BICRAL: variants seen among roughly 807,000 people sequenced by gnomAD.
BICRAL encodes the protein BICRA like chromatin remodeling complex associated protein.
BICRAL carries 8 observed loss-of-function variants against 91.8 expected under a neutral mutation model. That is an observed-to-expected ratio of 0.09 (90% CI 0.05 to 0.16). The LOEUF (loss-of-function observed/expected upper bound fraction) is 0.16. BICRAL is among the 10% of genes least tolerant of loss of function. BICRAL has a pLI of 1.00. For missense variants in BICRAL, 1,038 were observed against 1,310.9 expected, an observed-to-expected ratio of 0.79 and a Z score of 3.21; for synonymous variants, 445 against 491.1, an observed-to-expected ratio of 0.91 and a Z score of 1.24.
intron 1 of BICRAL, among the ~76,000 whole-genome samples, chr6:42,773,012 A>G (rs1454847556): frequency 6.6e-6 from 1 of 152,160 alleles, no homozygotes; most frequent in Non-Finnish European, 1.5e-5. Flanking sequence ...TGATTACCCA[A>G]TAACCCAATG....
chr6:42,770,402 TA>T (rs1762700133), intron 1 of BICRAL, among the ~76,000 whole-genome samples: 3 of 129,432 alleles, frequency 2.3e-5, no homozygotes, highest in African/African-American at 9.8e-5. Flanking sequence ...CTAATTTTAT[TA>T]TTATTATTAT....
intron 1 of BICRAL, among the ~76,000 whole-genome samples, chr6:42,767,901 G>T (rs191151267): frequency 5.9e-5 from 9 of 152,280 alleles, no homozygotes; most frequent in African/African-American, 2.2e-4. Flanking sequence ...TGAGAAACTT[G>T]GGAATAACAC....
At chr6:42,821,350 G>C (rs767809924) in intron 2 of BICRAL, 1 of 152,454 alleles carries the variant, frequency 6.6e-6, no homozygotes, top group Non-Finnish European at 1.5e-5. Flanking sequence ...GGGGCCTGGA[G>C]CTAGGGTGAA....
At chr6:42,802,421 GTTT>G (rs370280741) in intron 1 of BICRAL, among the ~76,000 whole-genome samples, 2 of 149,682 alleles carry the variant, frequency 1.3e-5, no homozygotes, top group Admixed American at 6.7e-5. Flanking sequence ...AGCTTTTCGT[GTTT>G]TTTTTTGTTG....
intron 5 of BICRAL, among the ~76,000 whole-genome samples, chr6:42,828,214 C>T (rs1764359274): frequency 6.6e-6 from 1 of 151,344 alleles, no homozygotes; most frequent in African/African-American, 2.4e-5. Flanking sequence ...GAGATTGAGA[C>T]CATGGTGAAA....
At chr6:42,846,314 G>A (rs1404496897) in intron 6 of BICRAL, among the ~76,000 whole-genome samples, 7 of 151,960 alleles carry the variant, frequency 4.6e-5, no homozygotes, top group African/African-American at 1.7e-4. Context: ...GTAGCAGTAA[G>A]CTGAGATCGC....
chr6:42,851,996 A>G (rs1765198293), intron 6 of BICRAL, 96 bp from the exon 7 acceptor site: 1 of 715,056 alleles, frequency 1.4e-6, no homozygotes, highest in Admixed American at 2.5e-5. Flanking sequence ...ACCTGAAGGT[A>G]CCAGGGAGGC....
At chr6:42,838,582 G>A (rs1764703703) in intron 6 of BICRAL, among the ~76,000 whole-genome samples, 1 of 152,120 alleles carries the variant, frequency 6.6e-6, no homozygotes, top group Admixed American at 6.6e-5. Flanking sequence ...CCTCTCACCT[G>A]AATATTATAT....
chr6:42,814,744 C>G (rs537702282), intron 2 of BICRAL, among the ~76,000 whole-genome samples: 1 of 147,714 alleles, frequency 6.8e-6, no homozygotes, highest in East Asian at 2.0e-4. Context: ...AGGCTGGTCT[C>G]GAACTCCTGA....
At chr6:42,806,015 G>A (rs1158022692) in intron 1 of BICRAL, among the ~76,000 whole-genome samples, 1 of 84,094 alleles carries the variant, frequency 1.2e-5, no homozygotes, top group Non-Finnish European at 2.3e-5. Context: ...AAAAAAAAAC[G>A]AAGGAAGAAG....
intron 11 of BICRAL, among the ~76,000 whole-genome samples, chr6:42,861,851 T>C (rs760188990): frequency 5.3e-5 from 8 of 149,802 alleles, no homozygotes; most frequent in Non-Finnish European, 7.4e-5. Context: ...ATAAAAAAAT[T>C]GTCTGGGTGT....
In BICRAL at chr6:42,867,138, A is replaced by AG. The variant is rs1765732723; in HGVS notation, c.*1692_*1693insG. On this transcript the variant is annotated 3_prime_UTR_variant, in exon 13 of 13. Coordinates refer to ENST00000314073, the MANE Select transcript of BICRAL (RefSeq NM_001393499.1). Reference sequence around the variant, plus strand: ...CATGGGGATGACCCCCATTGTCATCATGTTGGGCATTTCTTTTCCAGATTG... The same window carrying AG: ...CATGGGGATGACCCCCATTGTCATCAGTGTTGGGCATTTCTTTTCCAGATTG... 1 of 236,928 alleles carries AG rather than the reference A, an allele frequency of 4.2e-6. No individual in the cohort carries two copies. The highest frequency in any genetic ancestry group is 8.5e-6 in the Non-Finnish European group (1 of 117,128). The allele number at this position is 236,928 out of a possible 1,614,324, so 14.7% of individuals were successfully genotyped here.
chr6:42,834,999 T>A (rs1246854177), intron 6 of BICRAL, among the ~76,000 whole-genome samples: 1 of 152,218 alleles, frequency 6.6e-6, no homozygotes, highest in Non-Finnish European at 1.5e-5. Context: ...TTTACATTTC[T>A]GTGAATCTAT....
rs565315529 is a variant in BICRAL at position 42,868,484 on chromosome 6, A to G, written c.*3038A>G. 1.3e-5 allele frequency: 2 copies of G among 152,762 alleles called. No individual in the cohort carries two copies. The highest frequency in any genetic ancestry group is 1.9e-4 in the East Asian group (1 of 5,192). 9.5% of individuals were successfully genotyped at this position (152,762 alleles called of 1,614,324 possible). A position where few individuals can be genotyped will look rare whatever the true frequency, so the allele number is the denominator to read the frequency against. On this transcript the variant is annotated 3_prime_UTR_variant, in exon 13 of 13. Transcript: ENST00000314073. Reference sequence around the variant, plus strand: ...CAGTCAGTAACTATATTGTTAATCCATGGTTAGGAAATGTTTAGTTGGAGA... The same window carrying G: ...CAGTCAGTAACTATATTGTTAATCCGTGGTTAGGAAATGTTTAGTTGGAGA...
chr6:42,781,921 G>GC (rs1320203255), upstream of BICRAL: 1 of 716 alleles, frequency 1.4e-3, no homozygotes, highest in Non-Finnish European at 4.3e-3. Context: ...GGCGCGGGGA[G>GC]CGGCGCCCCG....
At chr6:42,756,929 C>G (rs1762471599) in intron 1 of BICRAL, among the ~76,000 whole-genome samples, 1 of 104,906 alleles carries the variant, frequency 9.5e-6, no homozygotes, top group Admixed American at 1.1e-4. Flanking sequence ...TCCCCCCCCC[C>G]CACCCTCCCT....
chr6:42,840,962 C>T (rs919484596), intron 6 of BICRAL, among the ~76,000 whole-genome samples: 1 of 150,100 alleles, frequency 6.7e-6, no homozygotes, highest in African/African-American at 2.5e-5. Flanking sequence ...TATAATACCA[C>T]CTACTCAGGA....
In BICRAL at chr6:42,829,297, C is replaced by A; in HGVS notation, c.964C>A (p.Gln322Lys). ...ACAGCCAAAGCCTATCCAGATGGGT[C>A]AGCAAAATACATACAATGTGAACAA... ...NIQPKPIQMGQQNTYNVNNLG... is the reference protein window; with the variant it reads ...NIQPKPIQMGKQNTYNVNNLG... Residue 322 changes from glutamine to lysine, a missense_variant, in exon 6 of 13, where the codon CAG (glutamine) becomes AAG (lysine). By Grantham distance (53) the Gln-to-Lys change is moderately conservative. Coordinates refer to ENST00000314073, the MANE Select transcript of BICRAL (RefSeq NM_001393499.1). The A allele has an allele frequency of 1.9e-6, 3 of 1,614,206 alleles. No homozygotes were observed. Among genetic ancestry groups the A allele is most frequent in the Non-Finnish European group, 8.5e-7 (1 of 1,180,032 alleles).
chr6:42,780,100 G>A (rs959170291), upstream of BICRAL, among the ~76,000 whole-genome samples: 8 of 151,402 alleles, frequency 5.3e-5, no homozygotes, highest in Admixed American at 2.6e-4. Context: ...ATGGGATCTC[G>A]CACCATGTTG....
Sources: gnomAD v4.1 joint callset for allele counts (sites outside exome capture counted in the v4.1 genomes callset) on GRCh38, gnomAD v4.1.1 for gene constraint, MANE v1.5 for transcripts, NCBI Gene and HGNC (gene_info 2026-07-23, HGNC 2026-07-21) for gene names.